DAAM1: variants seen among roughly 807,000 people sequenced by gnomAD.
DAAM1 encodes disheveled-associated activator of morphogenesis 1.
Under a neutral mutation model 130.0 loss-of-function variants are expected in DAAM1, and 52 were observed. The observed-to-expected ratio is 0.40, with a 90% CI of 0.32 to 0.50. The LOEUF is 0.50. DAAM1 is among the 20% of genes least tolerant of loss of function. The pLI, the probability that DAAM1 is intolerant of heterozygous loss-of-function variation, is 0.61. For missense variants in DAAM1, 1,134 were observed against 1,303.8 expected (o/e 0.87, Z 2.01); for synonymous variants, 452 against 444.5 (o/e 1.02, Z -0.21).
In DAAM1 at chr14:59,327,110, T is replaced by A. The variant is rs370607417; in HGVS notation, c.1372+119T>A. 43 of 1,104,928 alleles carry A rather than the reference T, an allele frequency of 3.9e-5. No individual in the cohort carries two copies. In the East Asian group the frequency reaches 5.0e-4, roughly 13 times the overall value. The allele number at this position is 1,104,928 out of a possible 1,614,324, so 68.4% of individuals were successfully genotyped here. ...TTAGCTTGGTGCAGGCAGCCTTTCT[T>A]TTTCCATCTTTTAAGGGCATTTTGC... On this transcript the variant is annotated intron_variant, in intron 12 of 24. Transcript: ENST00000360909.
chr14:59,332,484 G>A (rs189859113), intron 15 of DAAM1, among the ~76,000 whole-genome samples: 275 of 152,280 alleles, frequency 1.8e-3, no homozygotes, highest in Non-Finnish European at 3.2e-3. Flanking sequence ...GATGGTAATG[G>A]TGCAAATAGG....
intron 15 of DAAM1, among the ~76,000 whole-genome samples, chr14:59,332,221 AAGT>A (rs1401407597): frequency 6.6e-6 from 1 of 152,216 alleles, no homozygotes; most frequent in Non-Finnish European, 1.5e-5. Flanking sequence ...CACCAGGAGA[AAGT>A]AGAAGAGTTA....
chr14:59,212,166 G>T (rs963996354), intron 1 of DAAM1, among the ~76,000 whole-genome samples: 1 of 152,112 alleles, frequency 6.6e-6, no homozygotes, highest in East Asian at 1.9e-4. Context: ...CTATTGGCTT[G>T]CATTTACTGA....
Position 59,368,988 on chromosome 14 carries a change from CGTGT to C in DAAM1, c.*132_*135del. On this transcript the variant is annotated 3_prime_UTR_variant, in exon 25 of 25. Coordinates refer to ENST00000360909, the MANE Select transcript of DAAM1 (RefSeq NM_001270520.2). ...CTTCATCTGTGAGTGAATGTGTGAA[CGTGT>C]GTATGTAAATGTATGTGTGTATATA... is the stretch of plus-strand genomic sequence containing the variant. 1 of 744,616 alleles carries C rather than the reference CGTGT, an allele frequency of 1.3e-6. No homozygotes were observed. 46.1% of individuals were successfully genotyped at this position (744,616 alleles called of 1,614,324 possible).
intron 18 of DAAM1, among the ~76,000 whole-genome samples, chr14:59,352,991 C>A (rs200074224): frequency 4.6e-3 from 593 of 128,702 alleles, no homozygotes; most frequent in Middle Eastern, 0.018. Flanking sequence ...GGTTGTAAAA[C>A]AAAAAAAAAA....
At chr14:59,233,902 G>A (rs1432017336) in intron 1 of DAAM1, among the ~76,000 whole-genome samples, 3 of 152,154 alleles carry the variant, frequency 2.0e-5, no homozygotes, top group Non-Finnish European at 4.4e-5. Flanking sequence ...TTTTCCCATT[G>A]CTTGTTTTTG....
intron 2 of DAAM1, among the ~76,000 whole-genome samples, chr14:59,269,804 AGCATGTATAAGT>A (rs1882629699): frequency 6.6e-6 from 1 of 152,166 alleles, no homozygotes; most frequent in Admixed American, 6.5e-5. Context: ...CAGTGAGAAG[AGCATGTATAAGT>A]GCTAGAGAGT....
intron 1 of DAAM1, among the ~76,000 whole-genome samples, chr14:59,259,998 C>A (rs370102957): frequency 6.6e-6 from 1 of 152,006 alleles, no homozygotes; most frequent in East Asian, 1.9e-4. Context: ...GAGCTGAGAT[C>A]GCGCCACTGC....
intron 2 of DAAM1, 110 bp downstream of exon 2, chr14:59,263,770 A>T (rs138779451): frequency 7.4e-7 from 1 of 1,357,004 alleles, no homozygotes; most frequent in African/African-American, 1.4e-5. Context: ...TTTCAGTGAA[A>T]TGGCCCCCAT....
At chr14:59,327,402 C>CTTTTTGTTTTTTTTTTTTTTTTTTTTTTT (rs1885249465) in intron 12 of DAAM1, among the ~76,000 whole-genome samples, 1 of 58,990 alleles carries the variant, frequency 1.7e-5, no homozygotes, top group Non-Finnish European at 2.9e-5. Flanking sequence ...CACTTGGTTT[C>CTTTTTGTTTTTTTTTTTTTTTTTTTTTTT]TTTTTTTTTT....
intron 11 of DAAM1, 63 bp downstream of exon 11, chr14:59,326,711 C>G: frequency 6.3e-7 from 1 of 1,585,008 alleles, no homozygotes; most frequent in Non-Finnish European, 8.6e-7. Flanking sequence ...TTTATTTTAT[C>G]CTACTTCAGA....
chr14:59,202,898 A>C (rs1465201389), intron 1 of DAAM1, among the ~76,000 whole-genome samples: 1 of 152,122 alleles, frequency 6.6e-6, no homozygotes, highest in African/African-American at 2.4e-5. Context: ...GTTGATTTTG[A>C]GTCTTGAATG....
At chr14:59,317,401 ATAG>A (rs1449575477) in intron 4 of DAAM1, among the ~76,000 whole-genome samples, 3 of 152,210 alleles carry the variant, frequency 2.0e-5, no homozygotes, top group Non-Finnish European at 2.9e-5. Context: ...ACCGCCTTGC[ATAG>A]TTCTGGCTAA....
intron 1 of DAAM1, among the ~76,000 whole-genome samples, chr14:59,201,111 A>T (rs1888088615): frequency 7.7e-6 from 1 of 130,514 alleles, no homozygotes; most frequent in African/African-American, 2.9e-5. Context: ...CAGTGAGCGG[A>T]GGTTGTGACA....
intron 1 of DAAM1, among the ~76,000 whole-genome samples, chr14:59,249,568 T>C (rs1881541553): frequency 1.3e-5 from 2 of 152,234 alleles, no homozygotes; most frequent in East Asian, 1.9e-4. Flanking sequence ...AGAGTTCTTA[T>C]AGGACTATTG....
intron 1 of DAAM1, among the ~76,000 whole-genome samples, chr14:59,195,183 G>A (rs1167837611): frequency 1.6e-5 from 2 of 121,988 alleles, no homozygotes; most frequent in African/African-American, 3.2e-5. Flanking sequence ...TTGCTCTGTC[G>A]CCCAGGCTGG....
intron 2 of DAAM1, among the ~76,000 whole-genome samples, chr14:59,290,613 A>G (rs1274214283): frequency 6.6e-6 from 1 of 152,200 alleles, no homozygotes; most frequent in African/African-American, 2.4e-5. Flanking sequence ...TCATTCAAGA[A>G]AATAACCTCC....
At chr14:59,340,512 G>A (rs541255313) in intron 16 of DAAM1, among the ~76,000 whole-genome samples, 27 of 152,322 alleles carry the variant, frequency 1.8e-4, no homozygotes, top group African/African-American at 5.3e-4. Flanking sequence ...TGGTCATTTA[G>A]TAGCATTGTC....
intron 14 of DAAM1, 47 bp downstream of exon 14, chr14:59,331,555 C>T (rs1885443600): frequency 3.3e-6 from 5 of 1,528,116 alleles, no homozygotes; most frequent in Non-Finnish European, 4.4e-6. Context: ...GCATTAGCAG[C>T]TCATTGTGTT....
Sources: gnomAD v4.1 joint callset for allele counts (sites outside exome capture counted in the v4.1 genomes callset) on GRCh38, gnomAD v4.1.1 for gene constraint, MANE v1.5 for transcripts, NCBI Gene and HGNC (gene_info 2026-07-23, HGNC 2026-07-21) for gene names.